The following PIK3CD variants were observed in gnomAD, a reference collection of about 807,000 sequenced individuals.
PIK3CD encodes the protein phosphatidylinositol 4,5-bisphosphate 3-kinase catalytic subunit delta isoform.
Under a neutral mutation model 122.9 loss-of-function variants are expected in PIK3CD, and 20 were observed. That is an observed-to-expected ratio of 0.16 (90% CI 0.11 to 0.24). The LOEUF is 0.24. PIK3CD is among the 10% of genes least tolerant of loss of function. The probability of loss-of-function intolerance (pLI) is 1.00; values close to 1 mark genes in which losing one functional copy is unlikely to be tolerated. For missense variants in PIK3CD, 787 were observed against 1,406.3 expected (o/e 0.56, Z 7.04); for synonymous variants, 596 against 593.4 (o/e 1.00, Z -0.06).
chr1:9,643,998 A>T, the PIK3CD span, among the ~76,000 whole-genome samples: 2 of 152,178 alleles, frequency 1.3e-5, no homozygotes, highest in East Asian at 3.8e-4. Flanking sequence ...GCAGGGGCTG[A>T]AGAAGTGGGC....
chr1:9,640,953 C>T, the PIK3CD span, among the ~76,000 whole-genome samples: 1 of 152,298 alleles, frequency 6.6e-6, no homozygotes, highest in African/African-American at 2.4e-5. Context: ...CGCGGCTTCT[C>T]CTCCGTCAGT....
At position 9,710,973 on chromosome 1, in the gene PIK3CD, C is replaced by T. The variant is rs564238899; in HGVS notation, c.141+377C>T. 1.9e-3 allele frequency among the ~76,000 whole-genome samples: 286 copies of T among 151,750 alleles called. No individual in the cohort carries two copies. The highest frequency in any genetic ancestry group is 6.3e-3 in the African/African-American group (261 of 41,372). ...ACTAATTTTGTATTTTTAGTAGAGA[C>T]GGGGTTTCTCCATGTTGGTCAGGCT... On this transcript the variant is annotated intron_variant, in intron 3 of 23. Coordinates refer to ENST00000377346, the MANE Select transcript of PIK3CD (RefSeq NM_005026.5). This position sits in a 1 kb window ranked among gnomAD's most constrained non-coding sequence, Gnocchi z 4.7.
intron 1 of PIK3CD, among the ~76,000 whole-genome samples, chr1:9,684,469 C>T (rs568646356): frequency 1.5e-4 from 23 of 149,270 alleles, no homozygotes; most frequent in Admixed American, 8.8e-4. Context: ...CCCAAGAGGC[C>T]GAGGTTGCAG....
intron 23 of PIK3CD, among the ~76,000 whole-genome samples, chr1:9,726,246 G>T (rs140034328): frequency 5.3e-4 from 80 of 151,952 alleles, no homozygotes; most frequent in African/African-American, 1.9e-3. Flanking sequence ...CGATGGCTCA[G>T]GCCTGTAAAC....
intron 1 of PIK3CD, among the ~76,000 whole-genome samples, chr1:9,681,309 C>T (rs1469292001): frequency 6.6e-6 from 1 of 152,120 alleles, no homozygotes; most frequent in Non-Finnish European, 1.5e-5. Flanking sequence ...ACAATCAGAG[C>T]TCACTGCAGC....
At chr1:9,713,766 T>A (rs11121481) in intron 3 of PIK3CD, among the ~76,000 whole-genome samples, 28,928 of 151,028 alleles carry the variant, frequency 0.19, 3,870 homozygotes, top group South Asian at 0.39. Flanking sequence ...AATTTTATTT[T>A]TTATTATTAT....
rs2100978394 is a variant in PIK3CD, at chr1:9,722,231, T to C, written c.2235-13T>C. On this transcript the variant is annotated splice_polypyrimidine_tract_variant and intron_variant, in intron 17 of 23. Coordinates refer to ENST00000377346, the MANE Select transcript of PIK3CD (RefSeq NM_005026.5). This position sits in a 1 kb window ranked among gnomAD's most constrained non-coding sequence, Gnocchi z 7.6. Reference sequence around the variant, plus strand: ...AGGAGCCCCTGCTGACTGCCCGCTCTCTGGCCTGGCAGCGTGGAGCAGTGC... The same window carrying C: ...AGGAGCCCCTGCTGACTGCCCGCTCCCTGGCCTGGCAGCGTGGAGCAGTGC... The C allele has an allele frequency of 6.2e-7, 1 of 1,612,162 alleles. No individual in the cohort carries two copies. Among genetic ancestry groups the C allele is most frequent in the East Asian group, 2.2e-5 (1 of 44,764 alleles).
chr1:9,719,052 C>A lies in PIK3CD; in HGVS notation c.1242+137C>A. On this transcript the variant is annotated intron_variant, in intron 9 of 23. Coordinates refer to ENST00000377346, the MANE Select transcript of PIK3CD (RefSeq NM_005026.5). The surrounding 1 kb of genome is among the most constrained non-coding windows in gnomAD (Gnocchi z 5.5). ...TCCTGGGATTGCTTGTGGACCCCAG[C>A]CTCCTCACCCACCCTAGTCTGGCCA... 2.5e-6 allele frequency: 2 copies of A among 809,730 alleles called. No individual in the cohort carries two copies. The highest frequency in any genetic ancestry group is 4.1e-6 in the Non-Finnish European group (2 of 493,118). The allele number at this position is 809,730 out of a possible 1,614,324, so 50.2% of individuals were successfully genotyped here.
Position 9,696,451 on chromosome 1 carries a change from A to G in PIK3CD, c.-33+4880A>G, listed in dbSNP as rs142070415. 8.6e-3 allele frequency among the ~76,000 whole-genome samples: 1,300 copies of G among 151,858 alleles called. 10 individuals carry two copies. The highest frequency in any genetic ancestry group is 0.051 in the Middle Eastern group (15 of 294). On this transcript the variant is annotated intron_variant, in intron 2 of 23. Transcript: ENST00000377346. ...GAAATAATAATAATAAAATTTAAAA[A>G]TATTAAAAGAATAAAATTGGCTAGG...
chr1:9,723,037 T>C lies in PIK3CD; in HGVS notation c.2427-88T>C. On this transcript the variant is annotated intron_variant, in intron 19 of 23. Coordinates refer to ENST00000377346, the MANE Select transcript of PIK3CD (RefSeq NM_005026.5). The surrounding 1 kb of genome is among the most constrained non-coding windows in gnomAD (Gnocchi z 4.9). ...GGCAGCAGCATCTTCTGTGGCTTTT[T>C]GGGGCACCATGAGTTTCTGGGGCTC... The C allele has an allele frequency of 7.5e-7, 1 of 1,331,534 alleles. No individual in the cohort carries two copies. Among genetic ancestry groups the C allele is most frequent in the East Asian group, 2.3e-5 (1 of 43,576 alleles). 82.5% of individuals were successfully genotyped at this position (1,331,534 alleles called of 1,614,324 possible). A position where few individuals can be genotyped will look rare whatever the true frequency, so the allele number is the denominator to read the frequency against.
chr1:9,690,188 C>G (rs1646149028), intron 1 of PIK3CD, among the ~76,000 whole-genome samples: 1 of 152,150 alleles, frequency 6.6e-6, no homozygotes, highest in African/African-American at 2.4e-5. Flanking sequence ...CCCTTGAGCC[C>G]AAGGGGGCTA....
chr1:9,711,296 T>C (rs977664231), intron 3 of PIK3CD, among the ~76,000 whole-genome samples: 1 of 152,056 alleles, frequency 6.6e-6, no homozygotes, highest in African/African-American at 2.4e-5. Flanking sequence ...GGTTATGCCA[T>C]GTTGGCCTGG....
rs565860984 is a variant in PIK3CD, at chr1:9,652,311, G to A, written c.-138+509G>A. On this transcript the variant is annotated intron_variant, in intron 1 of 23. Coordinates refer to ENST00000377346, the MANE Select transcript of PIK3CD (RefSeq NM_005026.5). The surrounding 1 kb of genome is among the most constrained non-coding windows in gnomAD (Gnocchi z 6.2). ...GCCCGAGTGCCCTGGCGCGGAGAGAGGGCTGCGCACAGTTCGCCGGCGCCC... is the reference window on the plus strand; with the variant it reads ...GCCCGAGTGCCCTGGCGCGGAGAGAAGGCTGCGCACAGTTCGCCGGCGCCC... 0.011 allele frequency among the ~76,000 whole-genome samples: 1,695 copies of A among 152,308 alleles called. 13 individuals are homozygous for A. The highest frequency in any genetic ancestry group is 0.015 in the Non-Finnish European group (1,045 of 68,018).
the PIK3CD span, among the ~76,000 whole-genome samples, chr1:9,629,791 C>T: frequency 1.3e-5 from 2 of 152,326 alleles, no homozygotes; most frequent in South Asian, 2.1e-4. Context: ...GCAGTCGGGC[C>T]GGGACCGCCC....
chr1:9,643,760 G>A, the PIK3CD span, among the ~76,000 whole-genome samples: 1 of 152,190 alleles, frequency 6.6e-6, no homozygotes, highest in South Asian at 2.1e-4. Flanking sequence ...GGCATAGAGA[G>A]GTTAAGTCAC....
chr1:9,658,673 G>T (rs2100790791), intron 1 of PIK3CD, among the ~76,000 whole-genome samples: 1 of 152,026 alleles, frequency 6.6e-6, no homozygotes, highest in Non-Finnish European at 1.5e-5. Context: ...GAGATTACAG[G>T]CACATGCCAC....
chr1:9,661,767 C>T (rs1049588717), intron 1 of PIK3CD, among the ~76,000 whole-genome samples: 4 of 152,228 alleles, frequency 2.6e-5, no homozygotes, highest in Admixed American at 1.3e-4. Flanking sequence ...GAGGCCGAGG[C>T]GGACGGATCA....
At chr1:9,671,404 G>A (rs1381032620) in intron 1 of PIK3CD, among the ~76,000 whole-genome samples, 1 of 151,964 alleles carries the variant, frequency 6.6e-6, no homozygotes, top group Non-Finnish European at 1.5e-5. Flanking sequence ...TGGCCTGTCC[G>A]GGCTGCTCTT....
In PIK3CD at chr1:9,718,021, G is replaced by A. The variant is rs1647817828; in HGVS notation, c.1020+395G>A. The A allele has an allele frequency of 2.1e-6, 1 of 471,168 alleles. No individual in the cohort carries two copies. Among genetic ancestry groups the A allele is most frequent in the African/African-American group, 1.9e-5 (1 of 51,406 alleles). The allele number at this position is 471,168 out of a possible 1,614,324, so 29.2% of individuals were successfully genotyped here. ...AGGGCGGTGCCTGCAGCCTGTGAGGGCTGCACCTGCCTCAACCTCTAGGGG... is the reference window on the plus strand; with the variant it reads ...AGGGCGGTGCCTGCAGCCTGTGAGGACTGCACCTGCCTCAACCTCTAGGGG... On this transcript the variant is annotated intron_variant, in intron 8 of 23. Transcript: ENST00000377346. This position sits in a 1 kb window ranked among gnomAD's most constrained non-coding sequence, Gnocchi z 7.2.
Sources: gnomAD v4.1 joint callset for allele counts (sites outside exome capture counted in the v4.1 genomes callset) on GRCh38, gnomAD v4.1.1 for gene constraint, Gnocchi (gnomAD v3.1) non-coding constraint, MANE v1.5 for transcripts, NCBI Gene and HGNC (gene_info 2026-07-23, HGNC 2026-07-21) for gene names.